The following JAK3 variants were observed in gnomAD, a reference collection of about 807,000 sequenced individuals.
JAK3 encodes Janus kinase 3, also known as tyrosine-protein kinase JAK3.
JAK3 carries 88 observed loss-of-function variants against 120.8 expected under a neutral mutation model. The observed-to-expected ratio is 0.73, with a 90% CI of 0.61 to 0.87. The LOEUF is 0.87. Among genes scored for constraint, JAK3 ranks in the 40% least tolerant of loss-of-function variants. The probability of loss-of-function intolerance (pLI) is 0.00; values close to 1 mark genes in which losing one functional copy is unlikely to be tolerated. For synonymous variants in JAK3, 592 were observed against 628.6 expected (o/e 0.94, Z 0.87); for missense variants, 1,254 against 1,501.4 (o/e 0.84, Z 2.72).
At chr19:17,827,204 C>A (rs2094205474) in intron 23 of JAK3, among the ~76,000 whole-genome samples, 1 of 151,920 alleles carries the variant, frequency 6.6e-6, no homozygotes, top group Non-Finnish European at 1.5e-5. Context: ...GTCTCAAATT[C>A]CTGATCTCAG....
In JAK3 at chr19:17,826,239, G is replaced by C; in HGVS notation, c.*504C>G. On this transcript the variant is annotated 3_prime_UTR_variant, in exon 24 of 24. Coordinates refer to ENST00000458235, the MANE Select transcript of JAK3 (RefSeq NM_000215.4). ...TCTCTATTAAAAATAAAAAAAATTA[G>C]CCGGGTGTGGTGGTGCACACCTGTA... is the stretch of plus-strand genomic sequence containing the variant. 5.9e-6 allele frequency: 1 copy of C among 169,696 alleles called. No individual in the cohort carries two copies. The highest frequency in any genetic ancestry group is 1.3e-5 in the Non-Finnish European group (1 of 78,204). 10.5% of individuals were successfully genotyped at this position (169,696 alleles called of 1,614,324 possible). A position where few individuals can be genotyped will look rare whatever the true frequency, so the allele number is the denominator to read the frequency against.
chr19:17,827,797 G>A (rs1290563258), intron 23 of JAK3, among the ~76,000 whole-genome samples: 1 of 144,298 alleles, frequency 6.9e-6, no homozygotes, highest in African/African-American at 2.6e-5. Flanking sequence ...AGCTACTCGG[G>A]AGTCTAAGGC....
At chr19:17,833,695 T>A (rs1357613670) in intron 17 of JAK3, among the ~76,000 whole-genome samples, 1 of 151,298 alleles carries the variant, frequency 6.6e-6, no homozygotes, top group East Asian at 2.0e-4. Flanking sequence ...TACTAAAAAA[T>A]ACAAAAATTT....
At chr19:17,839,971 T>C (rs1323541218) in intron 9 of JAK3, among the ~76,000 whole-genome samples, 1 of 152,098 alleles carries the variant, frequency 6.6e-6, no homozygotes, top group Non-Finnish European at 1.5e-5. Context: ...GATCTCTTGA[T>C]CTCTTGATCT....
At chr19:17,834,027 A>C (rs1214433567) in intron 17 of JAK3, among the ~76,000 whole-genome samples, 1 of 152,118 alleles carries the variant, frequency 6.6e-6, no homozygotes, top group African/African-American at 2.4e-5. Flanking sequence ...GGCATGAGCC[A>C]CTGCGCCCAG....
chr19:17,843,740 A>G lies in JAK3; in HGVS notation c.308+37T>C. ...CCTCGAAATGCAAGGAGATGATAAA[A>G]TTGTACAATCCCTGGGGGCTGGGGG... On this transcript the variant is annotated intron_variant, in intron 3 of 23. Transcript: ENST00000458235. This position sits in a 1 kb window ranked among gnomAD's most constrained non-coding sequence, Gnocchi z 5.4. 6.2e-7 allele frequency: 1 copy of G among 1,612,004 alleles called. No homozygotes were observed. Among genetic ancestry groups the G allele is most frequent in the African/African-American group, 1.3e-5 (1 of 74,844 alleles).
rs142720702 is a variant in JAK3, at chr19:17,836,352, G to A, written c.1787-301C>T. On this transcript the variant is annotated intron_variant, in intron 13 of 23. Transcript: ENST00000458235. ...GGCTGGAGTGCAGTGGTGCGATCTCGGCTTACTGCAACCTCTGCCTCCCGG... is the reference window on the plus strand; with the variant it reads ...GGCTGGAGTGCAGTGGTGCGATCTCAGCTTACTGCAACCTCTGCCTCCCGG... 3.0e-3 allele frequency among the ~76,000 whole-genome samples: 451 copies of A among 151,962 alleles called. 2 individuals are homozygous for A. The highest frequency in any genetic ancestry group is 0.01 in the African/African-American group (420 of 41,432).
intron 16 of JAK3, 49 bp from the exon 17 acceptor site, chr19:17,834,770 C>T (rs1259716559): frequency 1.9e-6 from 3 of 1,614,024 alleles, no homozygotes; most frequent in Admixed American, 1.7e-5. Context: ...TAGACCCACC[C>T]CAATCTCCCC....
chr19:17,838,323 T>C lies in JAK3; in HGVS notation c.1509A>G (p.Gln503=), dbSNP rs201207773. ...TCATCTGACTCAGCTGGTATTGGGA[T>C]TGGGGCTGAACCAAGGATGATGTGG... The part of the protein sequence containing the change: ...SPPTSSLVQP[Q]SQYQLSQMTF... The change falls in exon 11 of 24, where the codon CAA becomes CAG. Residue 503 remains glutamine (Q), a synonymous_variant. Transcript: ENST00000458235. 6 of 1,613,962 alleles carry C rather than the reference T, an allele frequency of 3.7e-6. No individual in the cohort carries two copies. Among genetic ancestry groups the C allele is most frequent in the Non-Finnish European group, 5.1e-6 (6 of 1,180,026 alleles).
rs2147679296 is a variant in JAK3 at position 17,832,942 on chromosome 19, C to G, written c.2351-13G>C. The stretch of plus-strand genomic sequence containing the variant: ...AGGAGCTCATAGTCTGGGGTGGGGG[C>G]ATGGGCAGTGGTAAGCAGCGCCTCT... On this transcript the variant is annotated splice_polypyrimidine_tract_variant and intron_variant, in intron 17 of 23. Transcript: ENST00000458235. This position sits in a 1 kb window ranked among gnomAD's most constrained non-coding sequence, Gnocchi z 4.7. The G allele has an allele frequency of 6.2e-7, 1 of 1,610,836 alleles. No individual in the cohort carries two copies. The highest frequency in any genetic ancestry group is 1.1e-5 in the South Asian group (1 of 90,664).
rs565101202 is a variant in JAK3, at chr19:17,842,591, G to A, written c.586C>T (p.Pro196Ser). 16 of 1,581,460 alleles carry A rather than the reference G, an allele frequency of 1.0e-5. No individual in the cohort carries two copies. Among genetic ancestry groups the A allele is most frequent in the Non-Finnish European group, 1.2e-5 (14 of 1,162,644 alleles). ...CCCTGGATCAGGTCGCGCAGGCTTG[G>A]GGGTAGGCAGGCCTTGTAGCTGCAG... Reference protein sequence around the residue: ...KTVSYKACLPPSLRDLIQGLS... With the variant: ...KTVSYKACLPSSLRDLIQGLS... The change falls in exon 6 of 24, where the codon CCA (proline) becomes TCA (serine). Residue 196 changes from proline (P) to serine (S), a missense_variant. Physicochemically the swap from Pro to Ser is moderately conservative, Grantham distance 74 (BLOSUM62 -1). Around this residue, in one of 3 missense-constraint regions of JAK3, gnomAD observed 486 missense variants for 503.0 expected, o/e 0.97. Transcript: ENST00000458235. The surrounding 1 kb of genome is among the most constrained non-coding windows in gnomAD (Gnocchi z 6.4).
chr19:17,827,691 C>A (rs927941207), intron 23 of JAK3, among the ~76,000 whole-genome samples: 1 of 135,850 alleles, frequency 7.4e-6, no homozygotes, highest in Non-Finnish European at 1.5e-5. Context: ...ACTACCCTGA[C>A]CAACATGGAG....
intron 10 of JAK3, 145 bp downstream of exon 10, chr19:17,839,332 T>C (rs1377486879): frequency 6.3e-6 from 5 of 789,206 alleles, no homozygotes; most frequent in Non-Finnish European, 8.7e-6. Context: ...TATCTCTAAC[T>C]TCCTGAGCCA....
intron 23 of JAK3, among the ~76,000 whole-genome samples, chr19:17,828,999 T>A (rs3212787): frequency 0.17 from 26,419 of 151,580 alleles, 2,343 homozygotes; most frequent in East Asian, 0.24. Context: ...TTTAAAAAAA[T>A]TTTTTAAAAT....
intron 9 of JAK3, among the ~76,000 whole-genome samples, chr19:17,839,954 T>C (rs1265026582): frequency 1.3e-5 from 2 of 152,062 alleles, no homozygotes; most frequent in Non-Finnish European, 1.5e-5. Context: ...TTGGCCAGGA[T>C]GGTTTCGATC....
At position 17,842,809 on chromosome 19, in the gene JAK3, G is replaced by A. The variant is rs562801297; in HGVS notation, c.567-199C>T. 40 of 837,272 alleles carry A rather than the reference G, an allele frequency of 4.8e-5. No individual in the cohort carries two copies. In the Middle Eastern group the frequency reaches 1.1e-3, roughly 22 times the overall value. 51.9% of individuals were successfully genotyped at this position (837,272 alleles called of 1,614,324 possible). On this transcript the variant is annotated intron_variant, in intron 5 of 23. Transcript: ENST00000458235. This position sits in a 1 kb window ranked among gnomAD's most constrained non-coding sequence, Gnocchi z 6.4. ...GAGGGCCATTGGCGCCCACAGGTCG[G>A]ACAGGGACCCCACAGGCCTTTTAGC... is the stretch of plus-strand genomic sequence containing the variant.
Position 17,842,261 on chromosome 19 carries a change from C to CCA in JAK3, c.861+54_861+55insTG, listed in dbSNP as rs2094241251. 5 of 1,443,580 alleles carry CCA rather than the reference C, an allele frequency of 3.5e-6. No homozygotes were observed. The highest frequency in any genetic ancestry group is 3.7e-6 in the Non-Finnish European group (4 of 1,093,646). 89.4% of individuals were successfully genotyped at this position (1,443,580 alleles called of 1,614,324 possible). A position where few individuals can be genotyped will look rare whatever the true frequency, so the allele number is the denominator to read the frequency against. ...CACATCCCCTACCACTCTCCGGCCC[C>CCA]TCCCCGAGCCCCGCCCCCACGTTGG... On this transcript the variant is annotated intron_variant, in intron 6 of 23. Transcript: ENST00000458235. This position sits in a 1 kb window ranked among gnomAD's most constrained non-coding sequence, Gnocchi z 6.4.
Position 17,842,286 on chromosome 19 carries a change from G to T in JAK3, c.861+30C>A. 1 of 1,514,576 alleles carries T rather than the reference G, an allele frequency of 6.6e-7. No individual in the cohort carries two copies. The highest frequency in any genetic ancestry group is 8.8e-7 in the Non-Finnish European group (1 of 1,135,438). The allele number at this position is 1,514,576 out of a possible 1,614,324, so 93.8% of individuals were successfully genotyped here. On this transcript the variant is annotated intron_variant, in intron 6 of 23. Coordinates refer to ENST00000458235, the MANE Select transcript of JAK3 (RefSeq NM_000215.4). The surrounding 1 kb of genome is among the most constrained non-coding windows in gnomAD (Gnocchi z 6.4). Reference sequence around the variant, plus strand: ...CTCCCCGAGCCCCGCCCCCACGTTGGCCCCGCCCAGCGGGGGAGTCCGCCC... The same window carrying T: ...CTCCCCGAGCCCCGCCCCCACGTTGTCCCCGCCCAGCGGGGGAGTCCGCCC...
At chr19:17,830,687 G>A in intron 21 of JAK3, 67 bp from the exon 22 acceptor site, 2 of 1,293,728 alleles carry the variant, frequency 1.5e-6, no homozygotes, top group Non-Finnish European at 1.1e-6. Context: ...GGCAGCCTTG[G>A]AATGGGGAAC....
Sources: allele counts gnomAD v4.1 joint callset (sites outside exome capture counted in the v4.1 genomes callset), GRCh38; gene constraint gnomAD v4.1.1; regional missense constraint gnomAD v4.1.1; non-coding constraint Gnocchi (gnomAD v3.1); transcripts MANE v1.5; gene names NCBI Gene and HGNC (gene_info 2026-07-23, HGNC 2026-07-21).